Variants in CLSTN2 observed in about 807,000 individuals in gnomAD.
The protein encoded by CLSTN2 is calsyntenin-2.
CLSTN2 carries 48 observed loss-of-function variants against 101.2 expected under a neutral mutation model. The ratio of observed to expected loss-of-function variants is 0.47; its 90% confidence interval spans 0.38 to 0.60. The LOEUF (loss-of-function observed/expected upper bound fraction) is 0.60. Among genes scored for constraint, CLSTN2 ranks in the 20% least tolerant of loss-of-function variants. The probability of loss-of-function intolerance (pLI) is 0.00; values close to 1 mark genes in which losing one functional copy is unlikely to be tolerated. For synonymous variants in CLSTN2, 481 were observed against 463.6 expected, an observed-to-expected ratio of 1.04 and a Z score of -0.48; for missense variants, 1,160 against 1,238.2, an observed-to-expected ratio of 0.94 and a Z score of 0.95.
intron 1 of CLSTN2, among the ~76,000 whole-genome samples, chr3:140,117,217 G>C (rs763171608): frequency 1.3e-5 from 2 of 152,120 alleles, no homozygotes; most frequent in African/African-American, 2.4e-5. Context: ...TACCCTGCCC[G>C]CCGTGGTTGC....
intron 2 of CLSTN2, among the ~76,000 whole-genome samples, chr3:140,317,970 T>C (rs984713618): frequency 6.6e-6 from 1 of 152,218 alleles, no homozygotes; most frequent in Non-Finnish European, 1.5e-5. Context: ...GCTGGTGTCA[T>C]GCACCTCATT....
intron 1 of CLSTN2, among the ~76,000 whole-genome samples, chr3:140,093,975 CG>C (rs1054298324): frequency 5.3e-5 from 8 of 152,216 alleles, no homozygotes; most frequent in Middle Eastern, 3.4e-3. Flanking sequence ...GAACACTGCC[CG>C]GGGGAATCTG....
intron 8 of CLSTN2, among the ~76,000 whole-genome samples, chr3:140,486,581 G>A (rs1276820071): frequency 6.6e-6 from 1 of 152,200 alleles, no homozygotes; most frequent in Non-Finnish European, 1.5e-5. Context: ...GAGTCTATGA[G>A]TACTCAGGCA....
At chr3:140,331,319 G>A (rs1417256166) in intron 2 of CLSTN2, among the ~76,000 whole-genome samples, 1 of 152,216 alleles carries the variant, frequency 6.6e-6, no homozygotes, top group East Asian at 1.9e-4. Context: ...TGATCAGATG[G>A]TGCCTACCCA....
At position 140,223,022 on chromosome 3, in the gene CLSTN2, C is replaced by T. The variant is rs184097522; in HGVS notation, c.232+46949C>T. On this transcript the variant is annotated intron_variant, in intron 2 of 16. Coordinates refer to ENST00000458420, the MANE Select transcript of CLSTN2 (RefSeq NM_022131.3). ...GAAACTGAAACCCAGAGATACAACA[C>T]TTGGTGTTGTAGAGTTAAGAATCAG... 2.2e-4 allele frequency among the ~76,000 whole-genome samples: 34 copies of T among 152,272 alleles called. No individual in the cohort carries two copies. In the East Asian group the frequency reaches 4.6e-3, roughly 21 times the overall value.
At chr3:140,511,490 G>C (rs987544745) in intron 8 of CLSTN2, among the ~76,000 whole-genome samples, 5 of 146,966 alleles carry the variant, frequency 3.4e-5, no homozygotes, top group Non-Finnish European at 6.0e-5. Context: ...CACCAACAGT[G>C]TAAAAGCATT....
At chr3:139,976,578 C>T (rs1312375175) in intron 1 of CLSTN2, among the ~76,000 whole-genome samples, 1 of 152,164 alleles carries the variant, frequency 6.6e-6, no homozygotes, top group Non-Finnish European at 1.5e-5. Context: ...TGCCTGAGGT[C>T]AAAGTCCCTC....
At chr3:140,473,259 C>T in intron 8 of CLSTN2, among the ~76,000 whole-genome samples, 1 of 152,216 alleles carries the variant, frequency 6.6e-6, no homozygotes, top group East Asian at 1.9e-4. Context: ...GGCTTCTCCT[C>T]ATTACTCTCA....
intron 1 of CLSTN2, among the ~76,000 whole-genome samples, chr3:140,128,615 T>C (rs2009472747): frequency 6.6e-6 from 1 of 152,194 alleles, no homozygotes; most frequent in Non-Finnish European, 1.5e-5. Flanking sequence ...GCTTCCCTGA[T>C]GGAAGTGTGA....
At chr3:140,294,246 C>G (rs1309795700) in intron 2 of CLSTN2, among the ~76,000 whole-genome samples, 1 of 152,192 alleles carries the variant, frequency 6.6e-6, no homozygotes, top group East Asian at 1.9e-4. Context: ...TCTAACCTAA[C>G]AGGGTAATTA....
intron 1 of CLSTN2, among the ~76,000 whole-genome samples, chr3:139,956,474 G>T (rs1263270421): frequency 1.3e-5 from 2 of 152,166 alleles, no homozygotes; most frequent in Non-Finnish European, 2.9e-5. Context: ...GGAGAACAGA[G>T]AAGGCGTTGT....
chr3:140,376,182 T>C (rs2087915164), intron 2 of CLSTN2, among the ~76,000 whole-genome samples: 1 of 152,226 alleles, frequency 6.6e-6, no homozygotes, highest in South Asian at 2.1e-4. Context: ...AACTCCCTAC[T>C]ATCTAACTGT....
rs139728715 is a variant in CLSTN2, at chr3:140,260,527, T to C, written c.232+84454T>C. ...TTTTTTAGTCTGTTAATATGGTAAA[T>C]TACATTGATTTAGACTTTAGAACAA... On this transcript the variant is annotated intron_variant, in intron 2 of 16. Transcript: ENST00000458420. 2.3e-3 allele frequency among the ~76,000 whole-genome samples: 356 copies of C among 152,232 alleles called. 2 individuals carry two copies. Among genetic ancestry groups the C allele is most frequent in the Admixed American group, 7.7e-3 (118 of 15,282 alleles).
At chr3:140,369,632 G>C (rs1374536419) in intron 2 of CLSTN2, among the ~76,000 whole-genome samples, 1 of 152,146 alleles carries the variant, frequency 6.6e-6, no homozygotes, top group Admixed American at 6.5e-5. Flanking sequence ...TTGGCCGCAT[G>C]AGTTGGAGCT....
At chr3:140,037,763 T>C (rs1399444445) in intron 1 of CLSTN2, among the ~76,000 whole-genome samples, 1 of 152,206 alleles carries the variant, frequency 6.6e-6, no homozygotes, top group Non-Finnish European at 1.5e-5. Context: ...GTTCTCATCA[T>C]TCAGCTCCCA....
At chr3:140,517,490 T>C (rs1934942206) in intron 8 of CLSTN2, among the ~76,000 whole-genome samples, 3 of 152,144 alleles carry the variant, frequency 2.0e-5, no homozygotes, top group South Asian at 2.1e-4. Context: ...GCTGTTCAGA[T>C]TTTTTTGTCC....
chr3:140,562,455 C>A, intron 13 of CLSTN2, 147 bp downstream of exon 13: 3 of 803,328 alleles, frequency 3.7e-6, no homozygotes, highest in South Asian at 1.9e-5. Flanking sequence ...GCATGGATTT[C>A]TAGACCCTCC....
chr3:140,444,928 C>T (rs1348027031), intron 5 of CLSTN2, among the ~76,000 whole-genome samples: 1 of 152,214 alleles, frequency 6.6e-6, no homozygotes, highest in African/African-American at 2.4e-5. Flanking sequence ...AACTTGATGA[C>T]TTGCCTTTTG....
intron 2 of CLSTN2, among the ~76,000 whole-genome samples, chr3:140,304,803 T>G (rs370614706): frequency 6.6e-6 from 1 of 151,978 alleles, no homozygotes; most frequent in African/African-American, 2.4e-5. Flanking sequence ...CTGATTTGAG[T>G]CCCCACCCCA....
Sources: gnomAD v4.1 joint callset for allele counts (sites outside exome capture counted in the v4.1 genomes callset) on GRCh38, gnomAD v4.1.1 for gene constraint, MANE v1.5 for transcripts, NCBI Gene and HGNC (gene_info 2026-07-23, HGNC 2026-07-21) for gene names.